ZNF813: variants seen among roughly 807,000 people sequenced by gnomAD.
The protein encoded by ZNF813 is zinc finger protein 813.
In ZNF813, 3 loss-of-function variants were observed where a neutral mutation model predicts 7.2. The observed-to-expected ratio is 0.42, with a 90% CI of 0.19 to 1.08. The LOEUF is 1.08. ZNF813 is among the 50% of genes least tolerant of loss of function. The pLI, the probability that ZNF813 is intolerant of heterozygous loss-of-function variation, is 0.30. For missense variants in ZNF813, 714 were observed against 753.3 expected, an observed-to-expected ratio of 0.95 and a Z score of 0.61; for synonymous variants, 227 against 256.3, an observed-to-expected ratio of 0.89 and a Z score of 1.09.
At chr19:53,485,527 G>A (rs1169317230) in intron 2 of ZNF813, among the ~76,000 whole-genome samples, 1 of 150,754 alleles carries the variant, frequency 6.6e-6, no homozygotes, top group Non-Finnish European at 1.5e-5. Flanking sequence ...GTCTCTGTAG[G>A]TTTCATTATT....
At position 53,493,966 on chromosome 19, in the gene ZNF813, C is replaced by T. The variant is rs2086475506; in HGVS notation, c.*1880C>T. On this transcript the variant is annotated 3_prime_UTR_variant, in exon 4 of 4. Coordinates refer to ENST00000396403, the MANE Select transcript of ZNF813 (RefSeq NM_001004301.4). The stretch of plus-strand genomic sequence containing the variant: ...TGTTGAGGTAAATTTCCTTTTCTGT[C>T]TATTTTGTTCAGAATTTCTATGATG... The T allele has an allele frequency of 6.6e-6, 1 of 152,280 alleles. No homozygotes were observed. The highest frequency in any genetic ancestry group is 2.4e-5 in the African/African-American group (1 of 41,422). The allele number at this position is 152,280 out of a possible 1,614,324, so 9.4% of individuals were successfully genotyped here. A position where few individuals can be genotyped will look rare whatever the true frequency, so the allele number is the denominator to read the frequency against.
intron 1 of ZNF813, among the ~76,000 whole-genome samples, chr19:53,471,841 G>A (rs144140211): frequency 3.1e-3 from 442 of 144,562 alleles, no homozygotes; most frequent in Non-Finnish European, 4.8e-3. Context: ...TAGGTGCATC[G>A]GTTCGGGGGA....
In ZNF813 at chr19:53,490,906, A is replaced by C; in HGVS notation, c.674A>C (p.Asn225Thr). ...FQCNESGKAF[N>T]YSSLLRKHQI... ...TGTAATGAGAGTGGCAAAGCCTTTA[A>C]TTATAGCTCACTCTTAAGGAAACAT... The change falls in exon 4 of 4, where the codon AAT becomes ACT. Residue 225 changes from asparagine to threonine, a missense_variant. Asn to Thr is a moderately conservative substitution (Grantham distance 65). Transcript: ENST00000396403. 1 of 1,614,172 alleles carries C rather than the reference A, an allele frequency of 6.2e-7. No homozygotes were observed. Among genetic ancestry groups the C allele is most frequent in the Non-Finnish European group, 8.5e-7 (1 of 1,180,002 alleles).
chr19:53,478,400 G>T (rs1365847543), intron 1 of ZNF813, among the ~76,000 whole-genome samples: 1 of 151,928 alleles, frequency 6.6e-6, no homozygotes, highest in Non-Finnish European at 1.5e-5. Context: ...TCAAAATCCT[G>T]AGCTCAAAGG....
chr19:53,476,310 A>G (rs2086381437), intron 1 of ZNF813, among the ~76,000 whole-genome samples: 1 of 152,154 alleles, frequency 6.6e-6, no homozygotes, highest in South Asian at 2.1e-4. Flanking sequence ...ATAAGCCATG[A>G]GGTCTGAAGC....
At chr19:53,482,285 A>T (rs2086412077) in intron 1 of ZNF813, among the ~76,000 whole-genome samples, 1 of 152,322 alleles carries the variant, frequency 6.6e-6, no homozygotes, top group East Asian at 1.9e-4. Context: ...GTATGAGGAC[A>T]TCACAGCAAA....
At chr19:53,478,727 G>A (rs1344718453) in intron 1 of ZNF813, among the ~76,000 whole-genome samples, 2 of 152,098 alleles carry the variant, frequency 1.3e-5, no homozygotes, top group Admixed American at 6.5e-5. Context: ...GCAATGAGCC[G>A]AAATTGTGCC....
At position 53,472,456 on chromosome 19, in the gene ZNF813, G is replaced by A. The variant is rs548320526; in HGVS notation, c.-74+4667G>A. 5.1e-4 allele frequency among the ~76,000 whole-genome samples: 77 copies of A among 151,892 alleles called. 1 individual carries two copies. The highest frequency in any genetic ancestry group is 9.1e-4 in the Non-Finnish European group (62 of 67,966). ...GAAATAGGCCATCGGTAAAAGGGAG[G>A]GACCTTGGTTTGGTTTAAGAGGGAA... On this transcript the variant is annotated intron_variant, in intron 1 of 3. Transcript: ENST00000396403.
intron 1 of ZNF813, among the ~76,000 whole-genome samples, chr19:53,473,017 A>T (rs945920774): frequency 1.7e-4 from 26 of 152,166 alleles, no homozygotes; most frequent in African/African-American, 5.8e-4. Flanking sequence ...GTATGTGTAC[A>T]GTGGGGACAC....
In ZNF813 at chr19:53,492,480, A is replaced by T; in HGVS notation, c.*394A>T. 2.3e-6 allele frequency: 1 copy of T among 438,764 alleles called. No individual in the cohort carries two copies. Among genetic ancestry groups the T allele is most frequent in the Non-Finnish European group, 4.5e-6 (1 of 224,166 alleles). The allele number at this position is 438,764 out of a possible 1,614,324, so 27.2% of individuals were successfully genotyped here. On this transcript the variant is annotated 3_prime_UTR_variant, in exon 4 of 4. Transcript: ENST00000396403. ...CATAAAATTGTAAGAGTTCGTGACA[A>T]GGCTTTCGGGCATGACTCACACCTG...
In ZNF813 at chr19:53,491,408, C is replaced by A; in HGVS notation, c.1176C>A (p.Phe392Leu). 2 of 1,613,322 alleles carry A rather than the reference C, an allele frequency of 1.2e-6. No individual in the cohort carries two copies. The highest frequency in any genetic ancestry group is 1.7e-6 in the Non-Finnish European group (2 of 1,179,830). Residue 392 changes from phenylalanine (F) to leucine (L), a missense_variant, in exon 4 of 4, where the codon TTC becomes TTA. Transcript: ENST00000396403. Reference sequence around the variant, plus strand: ...AGTGTAATGAATGTGGCAAGACCTTCAGTCAGGAGTTAACCCTTAAATGCC... The same window carrying A: ...AGTGTAATGAATGTGGCAAGACCTTAAGTCAGGAGTTAACCCTTAAATGCC... The part of the protein sequence containing the change: ...PYKCNECGKT[F>L]SQELTLKCHR...
intron 1 of ZNF813, among the ~76,000 whole-genome samples, chr19:53,472,841 A>C (rs2086366029): frequency 6.6e-6 from 1 of 151,942 alleles, no homozygotes; most frequent in African/African-American, 2.4e-5. Context: ...CGAACTCCCG[A>C]CCTCAGGTGA....
At chr19:53,472,343 G>A (rs1388744040) in intron 1 of ZNF813, among the ~76,000 whole-genome samples, 2 of 152,130 alleles carry the variant, frequency 1.3e-5, no homozygotes, top group African/African-American at 4.8e-5. Flanking sequence ...ATACATATTT[G>A]TAGTCATTTC....
rs772444550 is a variant in ZNF813, at chr19:53,491,893, A to G, written c.1661A>G (p.Asn554Ser). The change falls in exon 4 of 4, where the codon AAT (asparagine) becomes AGT (serine). Residue 554 changes from asparagine (N) to serine (S), a missense_variant. Asn to Ser is a conservative substitution (Grantham distance 46, BLOSUM62 1). This residue lies in a region of ZNF813 where 122 missense variants were observed against 146.8 expected (regional missense o/e 0.83). Coordinates refer to ENST00000396403, the MANE Select transcript of ZNF813 (RefSeq NM_001004301.4). ...ACTGGAGATAAACCTTACAAGTGTA[A>G]TGAATGTGGCAAGGTTTTTAATCAA... Reference protein sequence around the residue: ...LHTGDKPYKCNECGKVFNQKA... With the variant: ...LHTGDKPYKCSECGKVFNQKA... The G allele has an allele frequency of 1.2e-6, 2 of 1,613,146 alleles. No individual in the cohort carries two copies. The highest frequency in any genetic ancestry group is 1.7e-6 in the Non-Finnish European group (2 of 1,179,322).
At chr19:53,472,457 G>A (rs1288712527) in intron 1 of ZNF813, among the ~76,000 whole-genome samples, 2 of 151,810 alleles carry the variant, frequency 1.3e-5, no homozygotes, top group Non-Finnish European at 1.5e-5. Context: ...AAAAGGGAGG[G>A]ACCTTGGTTT....
At chr19:53,488,414 CTT>C (rs369044232) in intron 3 of ZNF813, 297 of 241,898 alleles carry the variant, frequency 1.2e-3, no homozygotes, top group Non-Finnish European at 1.5e-3. Flanking sequence ...CCTTTTTTTT[CTT>C]TTTTTTTTTT....
At chr19:53,477,463 T>C (rs1160476282) in intron 1 of ZNF813, among the ~76,000 whole-genome samples, 1 of 152,068 alleles carries the variant, frequency 6.6e-6, no homozygotes. Flanking sequence ...ACTCCAGGAA[T>C]GTCTTTAACT....
chr19:53,484,910 A>G (rs2086425182), intron 2 of ZNF813, among the ~76,000 whole-genome samples: 1 of 152,186 alleles, frequency 6.6e-6, no homozygotes, highest in Non-Finnish European at 1.5e-5. Flanking sequence ...TAACCATCAC[A>G]TGATGTATAT....
At chr19:53,483,554 C>G (rs1568831057) in intron 1 of ZNF813, among the ~76,000 whole-genome samples, 196 bp from the exon 2 acceptor site, 1 of 152,136 alleles carries the variant, frequency 6.6e-6, no homozygotes, top group Non-Finnish European at 1.5e-5. Flanking sequence ...CCCAGCTCCC[C>G]ACTGCTGCAG....
Sources: allele counts gnomAD v4.1 joint callset (sites outside exome capture counted in the v4.1 genomes callset), GRCh38; gene constraint gnomAD v4.1.1; regional missense constraint gnomAD v4.1.1; transcripts MANE v1.5; gene names NCBI Gene and HGNC (gene_info 2026-07-23, HGNC 2026-07-21).